MIS18A: variants seen among roughly 807,000 people sequenced by gnomAD.
MIS18A encodes MIS18 kinetochore protein A, also known as protein Mis18-alpha.
In MIS18A, 14 loss-of-function variants were observed where a neutral mutation model predicts 25.0. That is an observed-to-expected ratio of 0.56 (90% confidence interval 0.37 to 0.88). MIS18A has a LOEUF of 0.88. Ranked by LOEUF, MIS18A falls within the 40% of genes least tolerant of loss-of-function variation. The pLI is 0.00. For missense variants in MIS18A, 292 were observed against 290.8 expected (o/e 1.00, Z -0.03); for synonymous variants, 134 against 118.6 (o/e 1.13, Z -0.84).
chr21:32,193,522 G>A, the MIS18A span, among the ~76,000 whole-genome samples: 116 of 100,176 alleles, frequency 1.2e-3, no homozygotes, highest in African/African-American at 4.2e-3. Flanking sequence ...ATAGATAGAT[G>A]GATAGATCGA....
the MIS18A span, chr21:32,156,515 A>G: frequency 6.6e-6 from 1 of 152,184 alleles, no homozygotes; most frequent in Non-Finnish European, 1.5e-5. Context: ...AGAAAGGGGA[A>G]AACATCCCCC....
the MIS18A span, among the ~76,000 whole-genome samples, chr21:32,174,481 A>G: frequency 8.5e-5 from 13 of 152,330 alleles, no homozygotes; most frequent in South Asian, 2.3e-3. Flanking sequence ...ATGTTTACCT[A>G]TGTAGCAAAC....
the MIS18A span, among the ~76,000 whole-genome samples, chr21:32,205,599 T>C: frequency 6.6e-6 from 1 of 152,156 alleles, no homozygotes; most frequent in Non-Finnish European, 1.5e-5. Context: ...AGGGTCTTTA[T>C]TAAGTAATTT....
At chr21:32,182,400 C>CT in the MIS18A span, among the ~76,000 whole-genome samples, 52,384 of 152,042 alleles carry the variant, frequency 0.34, 9,343 homozygotes, top group East Asian at 0.53. Flanking sequence ...TGAACAGCAT[C>CT]CCCCCCACAA....
chr21:32,210,184 T>C, the MIS18A span, among the ~76,000 whole-genome samples: 1 of 152,298 alleles, frequency 6.6e-6, no homozygotes, highest in African/African-American at 2.4e-5. Flanking sequence ...GCAAGTTACT[T>C]AACCTTTTCT....
chr21:32,248,457 T>C, the MIS18A span, among the ~76,000 whole-genome samples: 29 of 152,188 alleles, frequency 1.9e-4, no homozygotes, highest in Non-Finnish European at 1.2e-4. Context: ...GTCAGACATA[T>C]GGTAGGTGCT....
chr21:32,233,878 G>A, the MIS18A span, among the ~76,000 whole-genome samples: 3 of 152,110 alleles, frequency 2.0e-5, no homozygotes, highest in African/African-American at 7.2e-5. Context: ...AGAAAGTAAA[G>A]GATATTCTAC....
the MIS18A span, among the ~76,000 whole-genome samples, chr21:32,236,454 A>G: frequency 9.8e-6 from 1 of 102,138 alleles, no homozygotes; most frequent in Non-Finnish European, 1.9e-5. Context: ...GAAACCCAAA[A>G]TAACACTGGT....
the MIS18A span, among the ~76,000 whole-genome samples, chr21:32,204,139 G>A: frequency 2.0e-5 from 3 of 152,142 alleles, no homozygotes; most frequent in African/African-American, 7.2e-5. Flanking sequence ...CAGACATATT[G>A]CACATTTGTA....
chr21:32,237,480 C>T, the MIS18A span, among the ~76,000 whole-genome samples: 4 of 152,192 alleles, frequency 2.6e-5, no homozygotes, highest in African/African-American at 9.6e-5. Flanking sequence ...TCACTGAACA[C>T]TTACAATGGG....
chr21:32,252,526 A>G, the MIS18A span, among the ~76,000 whole-genome samples: 16 of 152,248 alleles, frequency 1.1e-4, no homozygotes, highest in Non-Finnish European at 1.9e-4. Flanking sequence ...AGATATCTAC[A>G]GCAAAGCAAA....
chr21:32,254,716 G>A, the MIS18A span, among the ~76,000 whole-genome samples: 74 of 152,190 alleles, frequency 4.9e-4, no homozygotes, highest in Middle Eastern at 0.014. Flanking sequence ...ATGCTGGGCC[G>A]GACCTAGAAT....
the MIS18A span, among the ~76,000 whole-genome samples, chr21:32,180,235 T>C: frequency 6.6e-6 from 1 of 152,220 alleles, no homozygotes. Context: ...AAATACAGCA[T>C]GGTCTTCTGT....
At chr21:32,187,369 T>C in the MIS18A span, among the ~76,000 whole-genome samples, 1 of 152,188 alleles carries the variant, frequency 6.6e-6, no homozygotes, top group South Asian at 2.1e-4. Flanking sequence ...TTGTGGATGA[T>C]TCCGCACCAA....
At chr21:32,192,190 T>C in the MIS18A span, among the ~76,000 whole-genome samples, 1 of 152,166 alleles carries the variant, frequency 6.6e-6, no homozygotes, top group Non-Finnish European at 1.5e-5. Flanking sequence ...TGGAGTCCCC[T>C]CTGTTCCCAT....
the MIS18A span, among the ~76,000 whole-genome samples, chr21:32,166,670 A>G: frequency 6.6e-6 from 1 of 152,212 alleles, no homozygotes; most frequent in Non-Finnish European, 1.5e-5. Flanking sequence ...ACTGATATAA[A>G]TTTATTCATA....
At chr21:32,162,072 C>G in the MIS18A span, among the ~76,000 whole-genome samples, 1 of 152,100 alleles carries the variant, frequency 6.6e-6, no homozygotes, top group Non-Finnish European at 1.5e-5. Flanking sequence ...TCCTATTTTC[C>G]TGAAGCTCAG....
At chr21:32,200,962 T>C in the MIS18A span, among the ~76,000 whole-genome samples, 1 of 152,150 alleles carries the variant, frequency 6.6e-6, no homozygotes, top group African/African-American at 2.4e-5. Flanking sequence ...CCTTTTGCCT[T>C]GCTATAAAGG....
chr21:32,244,287 C>T, the MIS18A span, among the ~76,000 whole-genome samples: 30 of 151,492 alleles, frequency 2.0e-4, no homozygotes, highest in East Asian at 2.9e-3. Flanking sequence ...AAAGGGCACA[C>T]GGGAATTTTT....
Sources: gnomAD v4.1 joint callset for allele counts (sites outside exome capture counted in the v4.1 genomes callset) on GRCh38, gnomAD v4.1.1 for gene constraint, MANE v1.5 for transcripts, NCBI Gene and HGNC (gene_info 2026-07-23, HGNC 2026-07-21) for gene names.